SNTG1: variants seen among roughly 807,000 people sequenced by gnomAD.
SNTG1 encodes the protein syntrophin gamma 1, also known as gamma-1-syntrophin.
SNTG1 carries 39 observed loss-of-function variants against 74.7 expected under a neutral mutation model. The observed-to-expected ratio is 0.52, with a 90% CI of 0.40 to 0.68. SNTG1 has a LOEUF of 0.68. SNTG1 is among the 30% of genes least tolerant of loss of function. The pLI is 0.00. For missense variants in SNTG1, 685 were observed against 609.5 expected (o/e 1.12, Z -1.30); for synonymous variants, 254 against 217.1 (o/e 1.17, Z -1.49).
intron 2 of SNTG1, among the ~76,000 whole-genome samples, chr8:50,266,797 T>C (rs1423183671): frequency 6.6e-6 from 1 of 151,672 alleles, no homozygotes; most frequent in African/African-American, 2.4e-5. Flanking sequence ...CATTGTGTGA[T>C]TCTTGCCCCC....
At chr8:50,577,757 G>T (rs1254992587) in intron 12 of SNTG1, among the ~76,000 whole-genome samples, 1 of 152,094 alleles carries the variant, frequency 6.6e-6, no homozygotes, top group African/African-American at 2.4e-5. Context: ...CATTATTGTT[G>T]CACTGCTGTT....
intron 8 of SNTG1, among the ~76,000 whole-genome samples, chr8:50,462,519 G>GA (rs35005730): frequency 0.72 from 109,112 of 150,654 alleles, 41,204 homozygotes; most frequent in East Asian, 0.84. Flanking sequence ...TTCCTTTCAT[G>GA]AAAAATTTTC....
chr8:50,267,012 T>C (rs936829683), intron 2 of SNTG1, among the ~76,000 whole-genome samples: 1 of 152,008 alleles, frequency 6.6e-6, no homozygotes, highest in South Asian at 2.1e-4. Flanking sequence ...TTTTTCATAG[T>C]TACTAAAGAT....
intron 2 of SNTG1, among the ~76,000 whole-genome samples, chr8:50,366,960 C>T (rs187240886): frequency 6.8e-6 from 1 of 147,814 alleles, no homozygotes; most frequent in Admixed American, 6.8e-5. Flanking sequence ...TATAAGGACG[C>T]AAATAGTAAG....
intron 1 of SNTG1, among the ~76,000 whole-genome samples, chr8:50,035,032 C>T (rs1445519760): frequency 1.3e-5 from 2 of 152,104 alleles, no homozygotes; most frequent in East Asian, 3.9e-4. Flanking sequence ...CTGGGTGATG[C>T]CCCACATAGT....
intron 13 of SNTG1, among the ~76,000 whole-genome samples, chr8:50,610,646 A>T (rs1179703862): frequency 1.3e-5 from 2 of 152,148 alleles, no homozygotes; most frequent in Non-Finnish European, 2.9e-5. Context: ...ACTCACTCCT[A>T]TTTGATTCCA....
chr8:50,519,980 C>A (rs2094165939), intron 9 of SNTG1, among the ~76,000 whole-genome samples: 1 of 151,894 alleles, frequency 6.6e-6, no homozygotes, highest in African/African-American at 2.4e-5. Flanking sequence ...CCTGAATAGC[C>A]AAGACAATCC....
intron 1 of SNTG1, among the ~76,000 whole-genome samples, chr8:49,973,164 C>T (rs1811863699): frequency 6.6e-6 from 1 of 152,112 alleles, no homozygotes; most frequent in Non-Finnish European, 1.5e-5. Flanking sequence ...CACATATACA[C>T]CATGGAATAC....
rs906056921 is a variant in SNTG1, at chr8:50,778,229, G to T, written c.1396-14442G>T. ...TTGGGTATATACCCAGTAACAGGAT[G>T]GCTGGGTCAAATGGTATTTCCAGTT... On this transcript the variant is annotated intron_variant, in intron 18 of 18. Transcript: ENST00000642720. Among the ~76,000 whole-genome samples the T allele has an allele frequency of 6.6e-5, 10 of 152,232 alleles. No homozygotes were observed. The East Asian group carries it at 1.9e-3, about 29-fold the overall frequency.
intron 9 of SNTG1, among the ~76,000 whole-genome samples, chr8:50,516,697 G>A (rs1204414889): frequency 6.6e-6 from 1 of 152,086 alleles, no homozygotes; most frequent in African/African-American, 2.4e-5. Flanking sequence ...GGATATCAGA[G>A]ATTGAAGATT....
At chr8:50,122,245 C>T (rs1563625843) in intron 1 of SNTG1, among the ~76,000 whole-genome samples, 1 of 142,300 alleles carries the variant, frequency 7.0e-6, no homozygotes, top group Non-Finnish European at 1.6e-5. Context: ...TAACTTGTGC[C>T]TTACCTCGTT....
chr8:50,722,558 T>G (rs916270548), intron 17 of SNTG1, among the ~76,000 whole-genome samples: 1 of 152,152 alleles, frequency 6.6e-6, no homozygotes, highest in Admixed American at 6.5e-5. Flanking sequence ...TCAAATAAGA[T>G]TTATCTCTTA....
intron 2 of SNTG1, among the ~76,000 whole-genome samples, chr8:50,243,383 C>T (rs907139861): frequency 1.3e-5 from 2 of 152,088 alleles, no homozygotes; most frequent in Admixed American, 1.3e-4. Flanking sequence ...TAACTTTTCC[C>T]TATTTTACTA....
rs537754581 is a variant in SNTG1, at chr8:50,417,121, A to G, written c.162+14777A>G. Among the ~76,000 whole-genome samples, 4 of 152,302 alleles carry G rather than the reference A, an allele frequency of 2.6e-5. No homozygotes were observed. In the East Asian group the frequency reaches 7.7e-4, roughly 29 times the overall value. On this transcript the variant is annotated intron_variant, in intron 4 of 18. Transcript: ENST00000642720. Reference sequence around the variant, plus strand: ...TGTAACTTATAAAAAATTTATCTTCAAAGATATGTATAACTTCAGTTTGAA... The same window carrying G: ...TGTAACTTATAAAAAATTTATCTTCGAAGATATGTATAACTTCAGTTTGAA...
At chr8:50,693,512 A>G (rs2095391473) in intron 15 of SNTG1, among the ~76,000 whole-genome samples, 1 of 152,160 alleles carries the variant, frequency 6.6e-6, no homozygotes, top group Non-Finnish European at 1.5e-5. Context: ...AGAGAAATGA[A>G]TTGCAATATA....
chr8:50,152,550 G>T (rs887871593), intron 1 of SNTG1, among the ~76,000 whole-genome samples: 3 of 152,152 alleles, frequency 2.0e-5, no homozygotes, highest in Admixed American at 6.5e-5. Context: ...GGTACCGGTT[G>T]TTCCTTTCTA....
intron 8 of SNTG1, among the ~76,000 whole-genome samples, chr8:50,486,992 G>A (rs533686036): frequency 1.3e-5 from 2 of 152,132 alleles, no homozygotes; most frequent in Admixed American, 6.6e-5. Context: ...TGCATCACAG[G>A]GATGAAGCCC....
chr8:50,486,414 G>A lies in SNTG1; in HGVS notation c.364-16364G>A, dbSNP rs1041873339. Reference sequence around the variant, plus strand: ...GTATTTTATTCTCTTTGAAGCAATTGTGAATGGGAGTTCACTCATGATTTG... The same window carrying A: ...GTATTTTATTCTCTTTGAAGCAATTATGAATGGGAGTTCACTCATGATTTG... On this transcript the variant is annotated intron_variant, in intron 8 of 18. Transcript: ENST00000642720. Among the ~76,000 whole-genome samples, 8 of 140,404 alleles carry A rather than the reference G, an allele frequency of 5.7e-5. No individual in the cohort carries two copies. In the East Asian group the frequency reaches 6.1e-4, roughly 11 times the overall value. 92.1% of individuals were successfully genotyped at this position (140,404 alleles called of 152,430 possible).
chr8:50,402,463 G>A, intron 4 of SNTG1, 119 bp downstream of exon 4: 1 of 1,241,688 alleles, frequency 8.1e-7, no homozygotes, highest in Admixed American at 2.6e-5. Flanking sequence ...GGTTCTGCAT[G>A]GAATTTTTGC....
Sources: allele counts gnomAD v4.1 joint callset (sites outside exome capture counted in the v4.1 genomes callset), GRCh38; gene constraint gnomAD v4.1.1; transcripts MANE v1.5; gene names NCBI Gene and HGNC (gene_info 2026-07-23, HGNC 2026-07-21).